SPRR5: variants seen among roughly 807,000 people sequenced by gnomAD.
SPRR5 encodes the protein small proline rich protein 5, also known as small proline-rich protein 5.
intron 1 of SPRR5, 119 bp downstream of exon 1, chr1:152,947,367 C>G (rs1459180205): frequency 3.3e-5 from 5 of 152,266 alleles, no homozygotes; most frequent in Non-Finnish European, 1.5e-5. Flanking sequence ...TTTGGGGTAC[C>G]TCTTTTTTCC....
At chr1:152,947,580 G>T (rs1178923691) in intron 1 of SPRR5, among the ~76,000 whole-genome samples, 6 of 152,124 alleles carry the variant, frequency 3.9e-5, no homozygotes, top group Non-Finnish European at 8.8e-5. Flanking sequence ...TCTGGGCAGA[G>T]CAACTGGAAG....
At chr1:152,948,731 C>G in exon 2 of SPRR5, 1 of 152,334 alleles carries the variant, frequency 6.6e-6, no homozygotes, top group Non-Finnish European at 1.2e-5. Flanking sequence ...AGTGCTGTCC[C>G]CCACCCCAGC....
chr1:152,947,947 A>G (rs1651098826), intron 1 of SPRR5, among the ~76,000 whole-genome samples: 1 of 152,158 alleles, frequency 6.6e-6, no homozygotes, highest in Non-Finnish European at 1.5e-5. Context: ...ACTCTTATAT[A>G]GTGTTCATTT....
chr1:152,948,153 A>T (rs79402685), intron 1 of SPRR5, among the ~76,000 whole-genome samples: 7,919 of 152,248 alleles, frequency 0.052, 298 homozygotes, highest in Middle Eastern at 0.11. Context: ...AATTTATTCC[A>T]GATGCCACAG....
At chr1:152,948,883 C>A in exon 2 of SPRR5, 1 of 224,398 alleles carries the variant, frequency 4.5e-6, no homozygotes, top group Non-Finnish European at 8.6e-6. Flanking sequence ...CAGAAGTAAG[C>A]CCTGGGCATG....
At chr1:152,947,570 T>C (rs1651091231) in intron 1 of SPRR5, among the ~76,000 whole-genome samples, 1 of 152,016 alleles carries the variant, frequency 6.6e-6, no homozygotes, top group African/African-American at 2.4e-5. Flanking sequence ...AGAGACCAGT[T>C]CTGGGCAGAG....
chr1:152,948,346 A>C (rs1208623270), intron 1 of SPRR5, among the ~76,000 whole-genome samples, 191 bp from the exon 2 acceptor site: 1 of 151,264 alleles, frequency 6.6e-6, no homozygotes, highest in African/African-American at 2.5e-5. Flanking sequence ...AAAAGAGTTG[A>C]AATAACTTGT....
chr1:152,948,435 G>T, intron 1 of SPRR5, 102 bp from the exon 2 acceptor site: 1 of 207,726 alleles, frequency 4.8e-6, no homozygotes, highest in Non-Finnish European at 9.9e-6. Context: ...ATCAGGGCAA[G>T]GTAAAAGCAG....
intron 1 of SPRR5, 142 bp from the exon 2 acceptor site, chr1:152,948,395 C>A (rs1651117552): frequency 5.0e-6 from 1 of 198,028 alleles, no homozygotes; most frequent in Non-Finnish European, 1.0e-5. Context: ...CGCACACACA[C>A]ACACACACTC....
intron 1 of SPRR5, among the ~76,000 whole-genome samples, chr1:152,947,485 G>A (rs1485310350): frequency 6.6e-6 from 1 of 152,198 alleles, no homozygotes; most frequent in Non-Finnish European, 1.5e-5. Context: ...AAGAGGGTCA[G>A]TATCTCAGCG....
exon 1 of SPRR5, chr1:152,947,246 T>G (rs1331015125): frequency 1.3e-5 from 2 of 152,274 alleles, no homozygotes; most frequent in African/African-American, 4.8e-5. Flanking sequence ...CTGGTGAACC[T>G]TGGTAAGTCT....
At chr1:152,948,171 T>C (rs1352572425) in intron 1 of SPRR5, among the ~76,000 whole-genome samples, 1 of 152,154 alleles carries the variant, frequency 6.6e-6, no homozygotes, top group Admixed American at 6.5e-5. Flanking sequence ...CAGGTTTTGC[T>C]ATAATAGGAT....
chr1:152,948,012 A>G (rs1651101342), intron 1 of SPRR5, among the ~76,000 whole-genome samples: 1 of 152,214 alleles, frequency 6.6e-6, no homozygotes, highest in Non-Finnish European at 1.5e-5. Flanking sequence ...GTATGCATGC[A>G]TATTTTAAGT....
chr1:152,947,898 G>A (rs760464120), intron 1 of SPRR5, among the ~76,000 whole-genome samples: 19 of 152,044 alleles, frequency 1.2e-4, no homozygotes, highest in Non-Finnish European at 2.5e-4. Context: ...GTTAAGATGC[G>A]CCTTTTAAAT....
intron 1 of SPRR5, among the ~76,000 whole-genome samples, chr1:152,948,124 C>A (rs1651105571): frequency 6.6e-6 from 1 of 152,052 alleles, no homozygotes; most frequent in South Asian, 2.1e-4. Flanking sequence ...ATGATTTAGC[C>A]AGAACTCAGA....
intron 1 of SPRR5, 127 bp from the exon 2 acceptor site, chr1:152,948,408 CTT>C (rs995598552): frequency 1.0e-5 from 2 of 195,072 alleles, no homozygotes; most frequent in African/African-American, 5.2e-5. Flanking sequence ...ACACACTCCT[CTT>C]AAATCTGTGA....
chr1:152,947,461 AG>A (rs1168679864), intron 1 of SPRR5, among the ~76,000 whole-genome samples: 3 of 152,046 alleles, frequency 2.0e-5, no homozygotes, highest in Non-Finnish European at 1.5e-5. Flanking sequence ...AGGGAGAAGG[AG>A]GGGGGTATCT....
chr1:152,947,553 G>A (rs1651090711), intron 1 of SPRR5, among the ~76,000 whole-genome samples: 1 of 152,110 alleles, frequency 6.6e-6, no homozygotes. Flanking sequence ...GGAATTAGTA[G>A]GAGAGGAGAG....
chr1:152,948,263 C>T (rs1042641566), intron 1 of SPRR5, among the ~76,000 whole-genome samples: 1 of 151,668 alleles, frequency 6.6e-6, no homozygotes, highest in East Asian at 1.9e-4. Context: ...TCTTTTCAAC[C>T]CCTCCTAACA....
Sources: gnomAD v4.1 joint callset for allele counts (sites outside exome capture counted in the v4.1 genomes callset) on GRCh38, gnomAD v4.1.1 for gene constraint, MANE v1.5 for transcripts, NCBI Gene and HGNC (gene_info 2026-07-23, HGNC 2026-07-21) for gene names.